The following STAB2 variants were observed in gnomAD, a reference collection of about 807,000 sequenced individuals.
STAB2 encodes the protein stabilin-2.
STAB2 carries 288 observed loss-of-function variants against 338.1 expected under a neutral mutation model. The ratio of observed to expected loss-of-function variants is 0.85; its 90% CI spans 0.77 to 0.94. The LOEUF (loss-of-function observed/expected upper bound fraction) is 0.94, where lower values mean the gene tolerates loss of function less well. STAB2 is among the 40% of genes least tolerant of loss of function. The pLI is 0.00. For synonymous variants in STAB2, 1,202 were observed against 1,193.3 expected (o/e 1.01, Z -0.15); for missense variants, 3,141 against 3,210.1 (o/e 0.98, Z 0.52).
intron 31 of STAB2, among the ~76,000 whole-genome samples, chr12:103,693,693 A>T (rs1878152237): frequency 6.6e-6 from 1 of 152,170 alleles, no homozygotes; most frequent in Admixed American, 6.5e-5. Context: ...ATGACATAGG[A>T]AAAAAAGAAT....
chr12:103,741,461 T>A (rs3851630), intron 55 of STAB2, among the ~76,000 whole-genome samples: 106 of 152,184 alleles, frequency 7.0e-4, no homozygotes, highest in Non-Finnish European at 1.1e-3. Flanking sequence ...CCCTCCCCAC[T>A]GACTTTTTTT....
At chr12:103,598,881 A>G (rs976554874) in intron 3 of STAB2, among the ~76,000 whole-genome samples, 1 of 152,188 alleles carries the variant, frequency 6.6e-6, no homozygotes, top group African/African-American at 2.4e-5. Flanking sequence ...ATAAGTCCCT[A>G]TCCCCAAGGA....
intron 21 of STAB2, 117 bp downstream of exon 21, chr12:103,669,744 C>T: frequency 2.3e-6 from 2 of 883,086 alleles, no homozygotes; most frequent in Non-Finnish European, 3.5e-6. Flanking sequence ...GAAATGACCC[C>T]TTACTAAAAG....
chr12:103,597,723 T>G (rs1045567611), intron 3 of STAB2, among the ~76,000 whole-genome samples: 2 of 152,148 alleles, frequency 1.3e-5, no homozygotes, highest in African/African-American at 4.8e-5. Context: ...CTTAATCATG[T>G]CTGAACAGCC....
chr12:103,749,008 C>T lies in STAB2; in HGVS notation c.6290C>T (p.Ala2097Val). The T allele has an allele frequency of 1.2e-6, 2 of 1,614,062 alleles. No individual in the cohort carries two copies. The highest frequency in any genetic ancestry group is 1.7e-6 in the Non-Finnish European group (2 of 1,180,018). The change falls in exon 59 of 69, where the codon GCC becomes GTC. Residue 2097 changes from alanine to valine, a missense_variant. Transcript: ENST00000388887. ...KQDNGGCAKV[A>V]RCSQKGTKVS... ...GACAACGGGGGCTGTGCAAAGGTGGCCAGATGCTCCCAGAAGGGCACGAAG... is the reference window on the plus strand; with the variant it reads ...GACAACGGGGGCTGTGCAAAGGTGGTCAGATGCTCCCAGAAGGGCACGAAG...
At chr12:103,755,013 C>T (rs1337887752) in intron 61 of STAB2, 1 of 356,922 alleles carries the variant, frequency 2.8e-6, no homozygotes, top group African/African-American at 2.0e-5. Context: ...AAAATTTGCA[C>T]CTAGTATCAA....
chr12:103,681,613 CTTTTTTTT>C (rs907234037), intron 25 of STAB2, among the ~76,000 whole-genome samples: 1 of 92,952 alleles, frequency 1.1e-5, no homozygotes, highest in African/African-American at 4.5e-5. Context: ...TTCCCCCCTA[CTTTTTTTT>C]TTTTTTTTTT....
At chr12:103,614,576 A>G (rs1259451544) in intron 3 of STAB2, among the ~76,000 whole-genome samples, 2 of 152,216 alleles carry the variant, frequency 1.3e-5, no homozygotes, top group South Asian at 4.1e-4. Context: ...AGGCAACTAG[A>G]AAACAACTTC....
At chr12:103,763,142 T>G (rs1454856014) in intron 67 of STAB2, among the ~76,000 whole-genome samples, 2 of 152,186 alleles carry the variant, frequency 1.3e-5, no homozygotes, top group African/African-American at 4.8e-5. Context: ...TGCATTTATA[T>G]TAAGTTAAAG....
At chr12:103,712,228 T>C (rs541267048) in intron 40 of STAB2, 139 bp from the exon 41 acceptor site, 76 of 733,330 alleles carry the variant, frequency 1.0e-4, no homozygotes, top group Non-Finnish European at 1.8e-4. Flanking sequence ...ATTAGACTCT[T>C]CTCCCAAGCC....
chr12:103,746,529 G>T (rs1361130463), intron 57 of STAB2, 68 bp from the exon 58 acceptor site: 3 of 1,474,292 alleles, frequency 2.0e-6, no homozygotes, highest in Middle Eastern at 1.7e-4. Flanking sequence ...GTCTTGGAAA[G>T]TCTCCTTAGA....
rs755170353 is a variant in STAB2 at position 103,755,433 on chromosome 12, T to C, written c.6846T>C (p.Ser2282=). ...ACTATGGACCTAGACCCAACAAGAG[T>C]GAAATGTGGGATGTCTTCTGCTATC... The part of the protein sequence containing the change: ...IVDYGPRPNK[S]EMWDVFCYRM... Residue 2282 remains serine, a synonymous_variant, in exon 62 of 69, where the codon AGT becomes AGC. Coordinates refer to ENST00000388887, the MANE Select transcript of STAB2 (RefSeq NM_017564.10). 6 of 1,613,288 alleles carry C rather than the reference T, an allele frequency of 3.7e-6. No homozygotes were observed. In the South Asian group the frequency reaches 6.6e-5, roughly 18 times the overall value.
intron 5 of STAB2, among the ~76,000 whole-genome samples, chr12:103,628,234 C>G (rs577874779): frequency 6.6e-6 from 1 of 152,200 alleles, no homozygotes; most frequent in Non-Finnish European, 1.5e-5. Flanking sequence ...AGCTAGTTAT[C>G]TCCCATTTTT....
intron 3 of STAB2, among the ~76,000 whole-genome samples, chr12:103,596,440 C>T (rs1359572646): frequency 6.6e-6 from 1 of 152,202 alleles, no homozygotes; most frequent in Non-Finnish European, 1.5e-5. Context: ...GGGCAAGTGA[C>T]TTTCTGCCTA....
chr12:103,592,432 T>G (rs1044629199), intron 2 of STAB2, among the ~76,000 whole-genome samples: 1 of 152,044 alleles, frequency 6.6e-6, no homozygotes, highest in Non-Finnish European at 1.5e-5. Context: ...GGATAAAACT[T>G]TTGCATTCAG....
chr12:103,625,051 A>G (rs751672749), intron 5 of STAB2, among the ~76,000 whole-genome samples: 82 of 152,260 alleles, frequency 5.4e-4, no homozygotes, highest in Admixed American at 1.5e-3. Context: ...TAGAAATAGC[A>G]TGTCTCCTCC....
At chr12:103,700,896 G>A (rs1313983354) in intron 34 of STAB2, among the ~76,000 whole-genome samples, 4 of 151,514 alleles carry the variant, frequency 2.6e-5, no homozygotes, top group African/African-American at 9.7e-5. Context: ...TGCACAATGT[G>A]CAGGTTAGTT....
At chr12:103,635,598 T>G (rs890102202) in intron 6 of STAB2, among the ~76,000 whole-genome samples, 2 of 152,150 alleles carry the variant, frequency 1.3e-5, no homozygotes, top group Admixed American at 1.3e-4. Context: ...GGAAGGCTGT[T>G]CGGTACTCCT....
chr12:103,660,880 A>T, intron 17 of STAB2, 117 bp downstream of exon 17: 1 of 1,102,562 alleles, frequency 9.1e-7, no homozygotes, highest in Non-Finnish European at 1.4e-6. Context: ...CTTTATGATT[A>T]TTTCATTCAT....
Sources: allele counts gnomAD v4.1 joint callset (sites outside exome capture counted in the v4.1 genomes callset), GRCh38; gene constraint gnomAD v4.1.1; transcripts MANE v1.5; gene names NCBI Gene and HGNC (gene_info 2026-07-23, HGNC 2026-07-21).